SPTB: variants seen among roughly 807,000 people sequenced by gnomAD.
The protein encoded by SPTB is spectrin beta, erythrocytic, also known as spectrin beta chain, erythrocytic.
SPTB carries 45 observed loss-of-function variants against 256.2 expected under a neutral mutation model. The observed-to-expected ratio is 0.18, with a 90% CI of 0.14 to 0.23. The LOEUF is 0.23. Ranked by LOEUF, SPTB falls within the 10% of genes least tolerant of loss-of-function variation. The pLI, the probability that SPTB is intolerant of heterozygous loss-of-function variation, is 1.00. For synonymous variants in SPTB, 1,231 were observed against 1,243.1 expected, an observed-to-expected ratio of 0.99 and a Z score of 0.21; for missense variants, 2,715 against 3,040.4, an observed-to-expected ratio of 0.89 and a Z score of 2.52.
chr14:64,872,202 C>T (rs931071916), intron 1 of SPTB, among the ~76,000 whole-genome samples: 2 of 152,266 alleles, frequency 1.3e-5, no homozygotes, highest in African/African-American at 2.4e-5. Context: ...TCTCAGTAAA[C>T]GACCTTTTTG....
In SPTB at chr14:64,826,632, G is replaced by C. The variant is rs909117766; in HGVS notation, c.-51-3487C>G. Among the ~76,000 whole-genome samples the C allele has an allele frequency of 1.3e-5, 2 of 152,132 alleles. No individual in the cohort carries two copies. The highest frequency in any genetic ancestry group is 2.9e-5 in the Non-Finnish European group (2 of 68,024). On this transcript the variant is annotated intron_variant, in intron 1 of 35. Transcript: ENST00000644917. The surrounding 1 kb of genome is among the most constrained non-coding windows in gnomAD (Gnocchi z 4.4). ...GGAAAAAAGGCATAAGTACTTCCTTGTCCATTCATTCCCTGGCTTACCCAC... is the reference window on the plus strand; with the variant it reads ...GGAAAAAAGGCATAAGTACTTCCTTCTCCATTCATTCCCTGGCTTACCCAC...
At chr14:64,769,139 A>C (rs1334113057) in intron 28 of SPTB, 21 bp from the exon 29 acceptor site, 5 of 1,611,130 alleles carry the variant, frequency 3.1e-6, no homozygotes, top group Non-Finnish European at 4.2e-6. Flanking sequence ...GAAAGGGAGA[A>C]AAGCTCAGGC....
chr14:64,792,946 G>A lies in SPTB; in HGVS notation c.2666+51C>T, dbSNP rs762541428. On this transcript the variant is annotated intron_variant, in intron 14 of 35. Transcript: ENST00000644917. The surrounding 1 kb of genome is among the most constrained non-coding windows in gnomAD (Gnocchi z 4.2). ...CTATTACCAAACTAGGTGGGAGATG[G>A]TGCCCAGGCCTGGGTACAGGGACGT... 2 of 1,612,902 alleles carry A rather than the reference G, an allele frequency of 1.2e-6. No individual in the cohort carries two copies. The highest frequency in any genetic ancestry group is 2.7e-5 in the African/African-American group (2 of 75,040).
intron 2 of SPTB, among the ~76,000 whole-genome samples, chr14:64,813,065 A>C (rs1411366516): frequency 6.6e-6 from 1 of 152,264 alleles, no homozygotes; most frequent in East Asian, 1.9e-4. Context: ...TCAGATTTTC[A>C]AACCTATATC....
chr14:64,874,178 T>C (rs1882694421), intron 1 of SPTB, among the ~76,000 whole-genome samples: 1 of 152,234 alleles, frequency 6.6e-6, no homozygotes, highest in South Asian at 2.1e-4. Context: ...CTTTATTGTC[T>C]GTGCTGGGCA....
chr14:64,832,168 T>TA (rs1042203561), intron 1 of SPTB, among the ~76,000 whole-genome samples: 2 of 152,282 alleles, frequency 1.3e-5, no homozygotes, highest in East Asian at 3.9e-4. Flanking sequence ...CTTCATCCCA[T>TA]CCTCAAGTCA....
chr14:64,808,709 C>T (rs1214027681), intron 2 of SPTB, among the ~76,000 whole-genome samples: 1 of 152,162 alleles, frequency 6.6e-6, no homozygotes, highest in Non-Finnish European at 1.5e-5. Context: ...AAACAATACT[C>T]AAACCCACCA....
At chr14:64,776,330 C>A (rs1389956537) in intron 22 of SPTB, among the ~76,000 whole-genome samples, 1 of 152,200 alleles carries the variant, frequency 6.6e-6, no homozygotes, top group Non-Finnish European at 1.5e-5. Context: ...TGCTCAGAAC[C>A]TCAATTTTTA....
At chr14:64,818,707 G>A (rs756459266) in intron 2 of SPTB, among the ~76,000 whole-genome samples, 1 of 152,162 alleles carries the variant, frequency 6.6e-6, no homozygotes, top group Non-Finnish European at 1.5e-5. Flanking sequence ...GGCCACAAAT[G>A]CTCATCTGGC....
At position 64,769,594 on chromosome 14, in the gene SPTB, T is replaced by C; in HGVS notation, c.5933A>G (p.Glu1978Gly). Residue 1978 changes from glutamate (E) to glycine (G), a missense_variant, in exon 28 of 36, where the codon GAG becomes GGG. Coordinates refer to ENST00000644917, the MANE Select transcript of SPTB (RefSeq NM_001355436.2). ...SLLQRQHQAS[E>G]EIREKLQQVM... is the part of the protein sequence containing the mutation. ...CCATCCTTGCAGTCCCCTCACCTCC[T>C]CTGAGGCCTGGTGCTGCCGCTGCAG... 6.2e-7 allele frequency: 1 copy of C among 1,613,932 alleles called. No individual in the cohort carries two copies. Among genetic ancestry groups the C allele is most frequent in the Non-Finnish European group, 8.5e-7 (1 of 1,180,018 alleles).
chr14:64,835,160 G>T (rs971696959), intron 1 of SPTB, among the ~76,000 whole-genome samples: 2 of 152,192 alleles, frequency 1.3e-5, no homozygotes, highest in South Asian at 4.1e-4. Flanking sequence ...ACTCAGTGGG[G>T]CTGTCCTCTG....
intron 1 of SPTB, among the ~76,000 whole-genome samples, chr14:64,872,289 A>C (rs923470137): frequency 6.6e-6 from 1 of 152,064 alleles, no homozygotes; most frequent in Non-Finnish European, 1.5e-5. Context: ...CAAATCTCAT[A>C]ATCTCTATAC....
rs17767400 is a variant in SPTB at position 64,775,717 on chromosome 14, C to A, written c.4564-314G>T. Among the ~76,000 whole-genome samples, 13 of 152,222 alleles carry A rather than the reference C, an allele frequency of 8.5e-5. No individual in the cohort carries two copies. The highest frequency in any genetic ancestry group is 1.8e-4 in the Non-Finnish European group (12 of 68,040). On this transcript the variant is annotated intron_variant, in intron 22 of 35. Transcript: ENST00000644917. This position sits in a 1 kb window ranked among gnomAD's most constrained non-coding sequence, Gnocchi z 5.0. The stretch of plus-strand genomic sequence containing the variant: ...CCTGGCAGCCTGTGCTCTTGACTGT[C>A]CCCTATCTTCCTGTGCTTCAGCAGA...
intron 1 of SPTB, among the ~76,000 whole-genome samples, chr14:64,860,028 A>C (rs1398704892): frequency 6.6e-6 from 1 of 152,166 alleles, no homozygotes; most frequent in East Asian, 1.9e-4. Flanking sequence ...AACTGAATAA[A>C]ATACTTTTCC....
chr14:64,761,386 A>C (rs751393193), intron 32 of SPTB, among the ~76,000 whole-genome samples: 1 of 152,134 alleles, frequency 6.6e-6, no homozygotes, highest in Non-Finnish European at 1.5e-5. Flanking sequence ...GTTGCTGAAC[A>C]GGGGGAAAGA....
intron 32 of SPTB, chr14:64,754,106 T>A (rs1272104852): frequency 4.1e-6 from 2 of 485,320 alleles, no homozygotes; most frequent in African/African-American, 3.9e-5. Context: ...GCCTGAGTGA[T>A]TATTTCATTA....
At chr14:64,872,596 C>T (rs1244936217) in intron 1 of SPTB, among the ~76,000 whole-genome samples, 1 of 152,218 alleles carries the variant, frequency 6.6e-6, no homozygotes, top group Non-Finnish European at 1.5e-5. Flanking sequence ...TGACACCCTG[C>T]ACTCAGGCCA....
At chr14:64,797,495 AAAAAAAAG>A in intron 10 of SPTB, among the ~76,000 whole-genome samples, 1 of 147,728 alleles carries the variant, frequency 6.8e-6, no homozygotes, top group African/African-American at 2.5e-5. Context: ...AAAAAAAAAA[AAAAAAAAG>A]GACTCAGGGA....
At chr14:64,768,398 A>G (rs993677439) in intron 29 of SPTB, among the ~76,000 whole-genome samples, 1 of 152,238 alleles carries the variant, frequency 6.6e-6, no homozygotes, top group Non-Finnish European at 1.5e-5. Flanking sequence ...TTTGAAAACA[A>G]AATGTATTTT....
Sources: gnomAD v4.1 joint callset for allele counts (sites outside exome capture counted in the v4.1 genomes callset) on GRCh38, gnomAD v4.1.1 for gene constraint, Gnocchi (gnomAD v3.1) non-coding constraint, MANE v1.5 for transcripts, NCBI Gene and HGNC (gene_info 2026-07-23, HGNC 2026-07-21) for gene names.